Variants in LRRC7 observed in about 807,000 individuals in gnomAD.
LRRC7 encodes leucine rich repeat containing 7.
In LRRC7, 23 loss-of-function variants were observed where a neutral mutation model predicts 175.7. The observed-to-expected ratio is 0.13, with a 90% CI of 0.09 to 0.19. LRRC7 has a LOEUF of 0.19. Ranked by LOEUF, LRRC7 falls within the 10% of genes least tolerant of loss-of-function variation. The probability of loss-of-function intolerance (pLI) is 1.00; values close to 1 mark genes in which losing one functional copy is unlikely to be tolerated. For synonymous variants in LRRC7, 685 were observed against 680.9 expected (o/e 1.01, Z -0.09); for missense variants, 1,354 against 1,904.7 (o/e 0.71, Z 5.38).
rs896659921 is a variant in LRRC7 at position 70,141,261 on chromosome 1, G to A, written c.*19374G>A. 5.3e-5 allele frequency: 8 copies of A among 152,012 alleles called. No homozygotes were observed. Among genetic ancestry groups the A allele is most frequent in the African/African-American group, 1.9e-4 (8 of 41,342 alleles). The allele number at this position is 152,012 out of a possible 1,614,324, so 9.4% of individuals were successfully genotyped here. The stretch of plus-strand genomic sequence containing the variant: ...AAGCCTACTGAAAAATAAGGAAATG[G>A]AGCATGGAGAAAGAAAGGGTTTTTA... On this transcript the variant is annotated 3_prime_UTR_variant, in exon 27 of 27. Coordinates refer to ENST00000651989, the MANE Select transcript of LRRC7 (RefSeq NM_001370785.2).
chr1:69,768,717 G>A (rs183440989), intron 3 of LRRC7, among the ~76,000 whole-genome samples: 20 of 152,246 alleles, frequency 1.3e-4, no homozygotes, highest in East Asian at 3.9e-4. Flanking sequence ...TAACTCTCTC[G>A]TAGCAGTTTT....
intron 12 of LRRC7, 44 bp downstream of exon 12, chr1:70,011,970 C>T (rs1462545838): frequency 1.4e-6 from 2 of 1,449,794 alleles, no homozygotes; most frequent in Admixed American, 3.4e-5. Flanking sequence ...TTTAATTAAT[C>T]TGTTTTGGAG....
chr1:69,847,208 C>T (rs1248035127), intron 7 of LRRC7, among the ~76,000 whole-genome samples: 1 of 151,992 alleles, frequency 6.6e-6, no homozygotes, highest in East Asian at 1.9e-4. Context: ...CTTATAAATT[C>T]ATTATTGTGG....
chr1:70,065,660 G>A (rs1213218921), intron 23 of LRRC7, among the ~76,000 whole-genome samples: 2 of 151,812 alleles, frequency 1.3e-5, no homozygotes, highest in African/African-American at 4.8e-5. Flanking sequence ...TACAATGATG[G>A]GGATGGAAAT....
At chr1:69,880,988 A>C (rs529941535) in intron 7 of LRRC7, among the ~76,000 whole-genome samples, 1 of 152,216 alleles carries the variant, frequency 6.6e-6, no homozygotes, top group South Asian at 2.1e-4. Context: ...TAGTTTGACT[A>C]AGATCCAGTC....
chr1:69,891,835 A>G (rs942319036), intron 7 of LRRC7, among the ~76,000 whole-genome samples: 7 of 124,692 alleles, frequency 5.6e-5, no homozygotes, highest in African/African-American at 2.6e-5. Flanking sequence ...GAGTGAGCAC[A>G]TGCTGTTGGA....
intron 7 of LRRC7, among the ~76,000 whole-genome samples, chr1:69,863,681 A>G (rs1684606226): frequency 6.6e-6 from 1 of 152,196 alleles, no homozygotes. Flanking sequence ...AGTTACAACT[A>G]TGAGTAATTA....
chr1:69,625,452 G>A (rs532583034), intron 1 of LRRC7, among the ~76,000 whole-genome samples: 24 of 148,488 alleles, frequency 1.6e-4, no homozygotes, highest in Non-Finnish European at 2.8e-4. Context: ...TGCACTCTAT[G>A]TTTTCTTGAT....
At chr1:70,008,221 A>G (rs1656166731) in intron 11 of LRRC7, among the ~76,000 whole-genome samples, 1 of 152,004 alleles carries the variant, frequency 6.6e-6, no homozygotes, top group South Asian at 2.1e-4. Context: ...GCCTTTTCAC[A>G]TTTTTCTGCC....
intron 3 of LRRC7, among the ~76,000 whole-genome samples, chr1:69,775,125 G>A (rs574527828): frequency 5.9e-5 from 9 of 152,194 alleles, no homozygotes; most frequent in African/African-American, 1.9e-4. Flanking sequence ...ACTTCCTTTT[G>A]AAAATGATTT....
chr1:69,651,339 C>T (rs1243226063), intron 1 of LRRC7, among the ~76,000 whole-genome samples: 7 of 152,132 alleles, frequency 4.6e-5, no homozygotes, highest in Non-Finnish European at 7.3e-5. Flanking sequence ...CTATAACTTT[C>T]TCTATAGTTG....
intron 22 of LRRC7, among the ~76,000 whole-genome samples, chr1:70,052,434 G>A (rs1264181560): frequency 2.0e-5 from 3 of 151,748 alleles, no homozygotes; most frequent in Non-Finnish European, 4.4e-5. Flanking sequence ...CTTACACTAC[G>A]ATTCTAATAG....
chr1:70,063,091 G>A (rs17131169), intron 23 of LRRC7, among the ~76,000 whole-genome samples: 3,916 of 152,116 alleles, frequency 0.026, 115 homozygotes, highest in African/African-American at 0.071. Context: ...GGACATCACT[G>A]TCACAAAATC....
At chr1:69,611,547 G>A (rs1038728013) in intron 1 of LRRC7, among the ~76,000 whole-genome samples, 6 of 151,838 alleles carry the variant, frequency 4.0e-5, no homozygotes, top group African/African-American at 1.5e-4. Flanking sequence ...ACCTAATCTT[G>A]TTTTATGTGT....
chr1:70,015,753 T>A (rs887192247), intron 13 of LRRC7, among the ~76,000 whole-genome samples: 1 of 152,160 alleles, frequency 6.6e-6, no homozygotes, highest in Admixed American at 6.6e-5. Flanking sequence ...AAGTGCTAAT[T>A]TTTTAAAGAT....
chr1:69,914,436 C>T (rs911273860), intron 7 of LRRC7, among the ~76,000 whole-genome samples: 3 of 152,110 alleles, frequency 2.0e-5, no homozygotes, highest in African/African-American at 7.2e-5. Flanking sequence ...CGGATAAATG[C>T]TGTAAAGTGA....
intron 2 of LRRC7, among the ~76,000 whole-genome samples, chr1:69,720,024 C>T (rs928919338): frequency 2.0e-5 from 3 of 151,636 alleles, no homozygotes; most frequent in Middle Eastern, 3.4e-3. Context: ...CTCTTGTAAG[C>T]ATCTTATAGT....
chr1:69,936,524 A>C (rs1041130235), intron 8 of LRRC7, among the ~76,000 whole-genome samples: 3 of 152,144 alleles, frequency 2.0e-5, no homozygotes, highest in African/African-American at 7.2e-5. Flanking sequence ...TACTTCTTCA[A>C]AAATTATAGT....
chr1:69,827,864 G>A (rs1029249473), intron 5 of LRRC7, among the ~76,000 whole-genome samples: 2 of 151,934 alleles, frequency 1.3e-5, no homozygotes, highest in Non-Finnish European at 2.9e-5. Flanking sequence ...ATTCTATTTA[G>A]GTGTATGGTT....
Sources: allele counts gnomAD v4.1 joint callset (sites outside exome capture counted in the v4.1 genomes callset), GRCh38; gene constraint gnomAD v4.1.1; transcripts MANE v1.5; gene names NCBI Gene and HGNC (gene_info 2026-07-23, HGNC 2026-07-21).